Variants in NFX1 observed in about 807,000 individuals in gnomAD.
NFX1 encodes the protein nuclear transcription factor, X-box binding 1.
NFX1 carries 69 observed loss-of-function variants against 137.2 expected under a neutral mutation model. The observed-to-expected ratio is 0.50, with a 90% confidence interval of 0.41 to 0.61. NFX1 has a LOEUF of 0.61. Ranked by LOEUF, NFX1 falls within the 20% of genes least tolerant of loss-of-function variation. The pLI is 0.00. For missense variants in NFX1, 1,167 were observed against 1,391.0 expected (o/e 0.84, Z 2.56); for synonymous variants, 495 against 474.1 (o/e 1.04, Z -0.57).
intron 2 of NFX1, among the ~76,000 whole-genome samples, chr9:33,297,452 A>G (rs1412333163): frequency 6.6e-6 from 1 of 152,264 alleles, no homozygotes; most frequent in Non-Finnish European, 1.5e-5. Flanking sequence ...CTCTTGCTTT[A>G]TAGTGAATTA....
chr9:33,359,827 A>G (rs1823934012), intron 19 of NFX1, among the ~76,000 whole-genome samples: 1 of 152,242 alleles, frequency 6.6e-6, no homozygotes, highest in African/African-American at 2.4e-5. Flanking sequence ...AAGGTTATAT[A>G]GAAGTTTATG....
Position 33,351,751 on chromosome 9 carries a change from T to C in NFX1, c.2616T>C (p.His872=). Residue 872 remains histidine, a synonymous_variant, in exon 16 of 24, where the codon CAT becomes CAC. Transcript: ENST00000379540. The part of the protein sequence containing the change: ...DCGHPCMAPC[H]TSSPCPVTAC... The stretch of plus-strand genomic sequence containing the variant: ...GTCACCCGTGTATGGCACCCTGCCA[T>C]ACCAGCTCACCCTGCCCTGTGACTG... 6.2e-7 allele frequency: 1 copy of C among 1,608,116 alleles called. No homozygotes were observed. The highest frequency in any genetic ancestry group is 1.1e-5 in the South Asian group (1 of 90,034).
In NFX1 at chr9:33,338,399, A is replaced by G. The variant is rs1351684249; in HGVS notation, c.2036-111A>G. 8 of 966,830 alleles carry G rather than the reference A, an allele frequency of 8.3e-6. No homozygotes were observed. The Admixed American group carries it at 1.6e-4, about 19-fold the overall frequency. The allele number at this position is 966,830 out of a possible 1,614,324, so 59.9% of individuals were successfully genotyped here. A position where few individuals can be genotyped will look rare whatever the true frequency, so the allele number is the denominator to read the frequency against. On this transcript the variant is annotated intron_variant, in intron 11 of 23. Transcript: ENST00000379540. ...AAAAAACTGCATTTACATTATTACAATTGTATTATTACTATTGTATTCTTT... is the reference window on the plus strand; with the variant it reads ...AAAAAACTGCATTTACATTATTACAGTTGTATTATTACTATTGTATTCTTT...
At chr9:33,343,751 A>G (rs973504618) in intron 13 of NFX1, among the ~76,000 whole-genome samples, 1 of 152,214 alleles carries the variant, frequency 6.6e-6, no homozygotes. Flanking sequence ...TGAAATGTTG[A>G]TAAATTTCCT....
intron 11 of NFX1, among the ~76,000 whole-genome samples, chr9:33,335,482 C>G (rs1204524831): frequency 6.6e-6 from 1 of 152,096 alleles, no homozygotes; most frequent in Admixed American, 6.6e-5. Flanking sequence ...ATCCGCCTGC[C>G]TCAGCCTCCC....
In NFX1 at chr9:33,366,724, C is replaced by T. The variant is rs772668043; in HGVS notation, c.3135C>T (p.Ser1045=). The change falls in exon 22 of 24, where the codon AGC becomes AGT. Residue 1045 remains serine, a synonymous_variant. Coordinates refer to ENST00000379540, the MANE Select transcript of NFX1 (RefSeq NM_002504.6). ...HDLAQVYGLE[S]VSYDSEPKRN... is the part of the protein sequence containing the mutation. The stretch of plus-strand genomic sequence containing the variant: ...TGGCCCAAGTTTATGGCCTGGAGAG[C>T]GTGAGCTATGACAGTGAACCGAAGC... 5 of 1,614,164 alleles carry T rather than the reference C, an allele frequency of 3.1e-6. No individual in the cohort carries two copies. Among genetic ancestry groups the T allele is most frequent in the South Asian group, 1.1e-5 (1 of 91,082 alleles).
At chr9:33,369,838 C>A in intron 23 of NFX1, 68 bp from the exon 24 acceptor site, 1 of 1,113,178 alleles carries the variant, frequency 9.0e-7, no homozygotes, top group Non-Finnish European at 1.4e-6. Flanking sequence ...TGATCCTTAA[C>A]TTTCTGAAGT....
chr9:33,354,042 T>A (rs754574697), intron 17 of NFX1, 44 bp from the exon 18 acceptor site: 6 of 1,542,462 alleles, frequency 3.9e-6, no homozygotes, highest in Non-Finnish European at 5.3e-6. Flanking sequence ...GAGGTTCTTG[T>A]GAAACTGCAA....
intron 12 of NFX1, among the ~76,000 whole-genome samples, chr9:33,340,944 G>A (rs764104282): frequency 6.6e-6 from 1 of 152,166 alleles, no homozygotes; most frequent in Non-Finnish European, 1.5e-5. Flanking sequence ...AAGCCATTCA[G>A]CAAGTCTCTA....
intron 11 of NFX1, among the ~76,000 whole-genome samples, chr9:33,333,059 T>C (rs1822869267): frequency 6.6e-6 from 1 of 152,206 alleles, no homozygotes; most frequent in African/African-American, 2.4e-5. Context: ...TTGGCCAGGC[T>C]GGTCTCTAAC....
At position 33,295,016 on chromosome 9, in the gene NFX1, A is replaced by G. The variant is rs764516387; in HGVS notation, c.622A>G (p.Thr208Ala). 1 of 1,614,212 alleles carries G rather than the reference A, an allele frequency of 6.2e-7. No individual in the cohort carries two copies. The highest frequency in any genetic ancestry group is 2.2e-5 in the East Asian group (1 of 44,886). Residue 208 changes from threonine (T) to alanine (A), a missense_variant, in exon 2 of 24, where the codon ACC becomes GCC. By Grantham distance (58) the Thr-to-Ala change is moderately conservative. Coordinates refer to ENST00000379540, the MANE Select transcript of NFX1 (RefSeq NM_002504.6). ...ACCGGAGGATGCTGGACCCGAAAGT[A>G]CCAAACCTGTGGGGGTTTTCCACCC... ...PKPEDAGPES[T>A]KPVGVFHPDS...
At chr9:33,330,014 G>A (rs1822743808) in intron 10 of NFX1, among the ~76,000 whole-genome samples, 1 of 151,936 alleles carries the variant, frequency 6.6e-6, no homozygotes, top group Non-Finnish European at 1.5e-5. Flanking sequence ...GGCTGGTCTT[G>A]AACTCCTGAC....
intron 2 of NFX1, among the ~76,000 whole-genome samples, chr9:33,299,263 T>A (rs1231838700): frequency 6.6e-6 from 1 of 152,222 alleles, no homozygotes; most frequent in Non-Finnish European, 1.5e-5. Context: ...TTTTTCTGTT[T>A]GAGGACCCAA....
chr9:33,354,295 C>A (rs772042226), intron 18 of NFX1, 108 bp downstream of exon 18: 27 of 844,902 alleles, frequency 3.2e-5, no homozygotes, highest in Non-Finnish European at 4.6e-5. Context: ...CTTGCATACA[C>A]AATAAGTATT....
intron 9 of NFX1, among the ~76,000 whole-genome samples, chr9:33,323,520 T>C (rs1487535034): frequency 6.6e-6 from 1 of 152,074 alleles, no homozygotes; most frequent in Non-Finnish European, 1.5e-5. Flanking sequence ...TTTGGGAGGC[T>C]GAGGCAGGAG....
In NFX1 at chr9:33,356,595, A is replaced by G. The variant is rs1192248097; in HGVS notation, c.2873+1703A>G. On this transcript the variant is annotated intron_variant, in intron 19 of 23. Coordinates refer to ENST00000379540, the MANE Select transcript of NFX1 (RefSeq NM_002504.6). The stretch of plus-strand genomic sequence containing the variant: ...TTGTCTATCCTGAGGCAATGACAAT[A>G]TTCTGTTATTATCTAGAAACTGTGT... 2.0e-5 allele frequency among the ~76,000 whole-genome samples: 3 copies of G among 152,280 alleles called. No individual in the cohort carries two copies. The East Asian group carries it at 5.8e-4, about 29-fold the overall frequency.
chr9:33,338,540 A>G lies in NFX1; in HGVS notation c.2066A>G (p.Asn689Ser). ...DATFMCDKRCNKKRLCGRHKC... is the reference protein window; with the variant it reads ...DATFMCDKRCSKKRLCGRHKC... ...ACATTTATGTGTGACAAGCGGTGTA[A>G]CAAGAAACGGTTGTGTGGACGGCAT... The change falls in exon 12 of 24, where the codon AAC becomes AGC. Residue 689 changes from asparagine to serine, a missense_variant. Transcript: ENST00000379540. 1.2e-6 allele frequency: 2 copies of G among 1,604,310 alleles called. No individual in the cohort carries two copies. Among genetic ancestry groups the G allele is most frequent in the Non-Finnish European group, 1.7e-6 (2 of 1,177,374 alleles).
intron 14 of NFX1, among the ~76,000 whole-genome samples, chr9:33,346,777 T>G (rs960459065): frequency 5.3e-5 from 8 of 152,176 alleles, no homozygotes; most frequent in Middle Eastern, 3.2e-3. Flanking sequence ...CTGCAAGAGA[T>G]GAGATGGGAA....
chr9:33,290,653 A>T, intron 1 of NFX1, 56 bp downstream of exon 1: 1 of 1,560,352 alleles, frequency 6.4e-7, no homozygotes, highest in East Asian at 2.3e-5. Context: ...AAATTGGGTC[A>T]GTGACGAAGT....
Sources: allele counts gnomAD v4.1 joint callset (sites outside exome capture counted in the v4.1 genomes callset), GRCh38; gene constraint gnomAD v4.1.1; transcripts MANE v1.5; gene names NCBI Gene and HGNC (gene_info 2026-07-23, HGNC 2026-07-21).